The following STAG1 variants were observed in gnomAD, a reference collection of about 807,000 sequenced individuals.
STAG1 encodes STAG1 cohesin complex component.
Under a neutral mutation model 170.9 loss-of-function variants are expected in STAG1, and 26 were observed. The ratio of observed to expected loss-of-function variants is 0.15; its 90% confidence interval spans 0.11 to 0.21. The LOEUF is 0.21. STAG1 is among the 10% of genes least tolerant of loss of function. STAG1 has a pLI of 1.00. For missense variants in STAG1, 964 were observed against 1,509.5 expected, an observed-to-expected ratio of 0.64 and a Z score of 5.99; for synonymous variants, 514 against 497.7, an observed-to-expected ratio of 1.03 and a Z score of -0.44.
chr3:136,616,801 GGA>G (rs777836922), intron 3 of STAG1, among the ~76,000 whole-genome samples: 3 of 152,112 alleles, frequency 2.0e-5, no homozygotes, highest in Non-Finnish European at 4.4e-5. Flanking sequence ...GGCTGAGGTG[GGA>G]GAATCACTTG....
At chr3:136,510,564 C>A (rs1327711194) in intron 7 of STAG1, among the ~76,000 whole-genome samples, 1 of 151,476 alleles carries the variant, frequency 6.6e-6, no homozygotes, top group Non-Finnish European at 1.5e-5. Context: ...GCGTGAGCCA[C>A]TGCACCCAGC....
chr3:136,722,982 G>C (rs1933389235), intron 1 of STAG1, among the ~76,000 whole-genome samples: 1 of 152,252 alleles, frequency 6.6e-6, no homozygotes, highest in African/African-American at 2.4e-5. Context: ...ACGGAGTCTG[G>C]TTCACTCAGT....
intron 4 of STAG1, among the ~76,000 whole-genome samples, chr3:136,601,296 T>A (rs1023800202): frequency 6.6e-6 from 1 of 151,898 alleles, no homozygotes; most frequent in Non-Finnish European, 1.5e-5. Context: ...TAGAAAAAAA[T>A]GTGCCCAAAA....
chr3:136,563,498 C>G (rs1371505123), intron 5 of STAG1, among the ~76,000 whole-genome samples: 2 of 151,918 alleles, frequency 1.3e-5, no homozygotes, highest in Non-Finnish European at 2.9e-5. Flanking sequence ...TCAATTCCCT[C>G]TAAACTTTCC....
At chr3:136,641,152 G>A (rs1940784243) in intron 1 of STAG1, among the ~76,000 whole-genome samples, 1 of 152,154 alleles carries the variant, frequency 6.6e-6, no homozygotes, top group Non-Finnish European at 1.5e-5. Context: ...AAAATTGGGG[G>A]AGAAGAGAAA....
chr3:136,499,824 G>GTT (rs71662622), intron 9 of STAG1: 5 of 145,474 alleles, frequency 3.4e-5, no homozygotes, highest in South Asian at 2.2e-4. Flanking sequence ...CTTCACACAG[G>GTT]TTTTTTTTTT....
intron 6 of STAG1, among the ~76,000 whole-genome samples, chr3:136,524,783 T>G (rs1000833102): frequency 3.9e-5 from 6 of 152,196 alleles, no homozygotes; most frequent in Non-Finnish European, 8.8e-5. Context: ...AATACCTAAT[T>G]TATTGAGAGT....
At chr3:136,697,922 G>A (rs906012297) in intron 1 of STAG1, among the ~76,000 whole-genome samples, 4 of 152,098 alleles carry the variant, frequency 2.6e-5, no homozygotes, top group South Asian at 4.1e-4. Context: ...TAAACATCAG[G>A]TGCATTTAGC....
intron 15 of STAG1, among the ~76,000 whole-genome samples, chr3:136,442,393 C>T (rs2088658058): frequency 6.6e-6 from 1 of 152,246 alleles, no homozygotes; most frequent in Non-Finnish European, 1.5e-5. Flanking sequence ...TTCTAACGAA[C>T]GAATATGCGT....
rs67810422 is a variant in STAG1, at chr3:136,633,962, TAAAAAAAAAAAAA to T, written c.-83-2994_-83-2982del. On this transcript the variant is annotated intron_variant, in intron 1 of 33. Transcript: ENST00000383202. ...AACATGGTGAAACCCTGTCTCTACT[TAAAAAAAAAAAAA>T]AAAAAAAAAAAAAAAATTAGCCAGG... Among the ~76,000 whole-genome samples the T allele has an allele frequency of 1.4e-3, 69 of 50,358 alleles. 2 individuals carry two copies. In the South Asian group the frequency reaches 0.067, roughly 49 times the overall value. 33.0% of individuals were successfully genotyped at this position (50,358 alleles called of 152,430 possible). A position where few individuals can be genotyped will look rare whatever the true frequency, so the allele number is the denominator to read the frequency against.
intron 15 of STAG1, among the ~76,000 whole-genome samples, chr3:136,435,935 G>A (rs917777088): frequency 2.0e-5 from 3 of 152,022 alleles, no homozygotes; most frequent in African/African-American, 4.8e-5. Flanking sequence ...ACCAAAGCAC[G>A]GGGATTACAG....
chr3:136,622,044 T>A (rs567842836), intron 3 of STAG1, among the ~76,000 whole-genome samples: 6 of 128,718 alleles, frequency 4.7e-5, no homozygotes, highest in Admixed American at 2.5e-4. Flanking sequence ...AGGCCTGTAA[T>A]CCCAGCACTT....
intron 22 of STAG1, among the ~76,000 whole-genome samples, chr3:136,389,327 TGAGAC>T (rs1256798021): frequency 6.6e-6 from 1 of 152,168 alleles, no homozygotes; most frequent in Non-Finnish European, 1.5e-5. Context: ...TAATTTTTTT[TGAGAC>T]TGAGTCTCAC....
intron 6 of STAG1, among the ~76,000 whole-genome samples, chr3:136,537,292 C>A (rs1288204925): frequency 6.6e-6 from 1 of 152,076 alleles, no homozygotes; most frequent in East Asian, 1.9e-4. Context: ...ATTTAATATA[C>A]AGAATAAGCC....
intron 23 of STAG1, 151 bp downstream of exon 23, chr3:136,377,509 T>C: frequency 1.8e-6 from 1 of 559,718 alleles, no homozygotes; most frequent in Non-Finnish European, 3.1e-6. Context: ...CTTTATAACA[T>C]AAATTCACAC....
chr3:136,373,448 C>G (rs1352777533), intron 23 of STAG1, among the ~76,000 whole-genome samples: 2 of 152,062 alleles, frequency 1.3e-5, no homozygotes, highest in African/African-American at 4.8e-5. Context: ...GTTACGGTGT[C>G]AATTTTAGAT....
chr3:136,619,742 G>A (rs1939756130), intron 3 of STAG1, among the ~76,000 whole-genome samples: 1 of 128,492 alleles, frequency 7.8e-6, no homozygotes. Context: ...ACGCAACAGC[G>A]CGAGACTCTG....
At chr3:136,640,681 T>G (rs1039593740) in intron 1 of STAG1, among the ~76,000 whole-genome samples, 4 of 145,996 alleles carry the variant, frequency 2.7e-5, no homozygotes, top group Non-Finnish European at 6.0e-5. Context: ...TTTTGTTGTT[T>G]TTTTTTTTTT....
chr3:136,604,756 T>G (rs530070507), intron 3 of STAG1, among the ~76,000 whole-genome samples: 1 of 152,254 alleles, frequency 6.6e-6, no homozygotes, highest in East Asian at 1.9e-4. Flanking sequence ...GTTCAAGTGA[T>G]TCTCCTGCCT....
Sources: gnomAD v4.1 joint callset for allele counts (sites outside exome capture counted in the v4.1 genomes callset) on GRCh38, gnomAD v4.1.1 for gene constraint, MANE v1.5 for transcripts, NCBI Gene and HGNC (gene_info 2026-07-23, HGNC 2026-07-21) for gene names.